NUDT5: variants seen among roughly 807,000 people sequenced by gnomAD.
NUDT5 encodes ADP-sugar pyrophosphatase.
NUDT5 carries 21 observed loss-of-function variants against 34.1 expected under a neutral mutation model. That is an observed-to-expected ratio of 0.62 (90% CI 0.44 to 0.89). The LOEUF (loss-of-function observed/expected upper bound fraction) is 0.89, where lower values mean the gene tolerates loss of function less well. Among genes scored for constraint, NUDT5 ranks in the 40% least tolerant of loss-of-function variants. The pLI is 0.00. For missense variants in NUDT5, 249 were observed against 274.8 expected (o/e 0.91, Z 0.66); for synonymous variants, 85 against 97.6 (o/e 0.87, Z 0.76).
At chr10:12,193,288 T>C (rs1341275391) in intron 1 of NUDT5, among the ~76,000 whole-genome samples, 1 of 152,154 alleles carries the variant, frequency 6.6e-6, no homozygotes, top group Non-Finnish European at 1.5e-5. Flanking sequence ...AGCTCAAATC[T>C]GTACACGCTT....
intron 3 of NUDT5, among the ~76,000 whole-genome samples, chr10:12,183,770 G>A (rs975365259): frequency 5.3e-5 from 8 of 151,944 alleles, no homozygotes; most frequent in African/African-American, 1.2e-4. Flanking sequence ...TTTTCCTTCC[G>A]GCTTTTTCTT....
At chr10:12,176,216 A>T (rs1834948249) in intron 5 of NUDT5, among the ~76,000 whole-genome samples, 1 of 152,000 alleles carries the variant, frequency 6.6e-6, no homozygotes, top group African/African-American at 2.4e-5. Flanking sequence ...AAAAAATAAA[A>T]AAAAAGGTAA....
chr10:12,171,687 T>TTTTTA lies in NUDT5; in HGVS notation c.488-780_488-779insTAAAA, dbSNP rs1255578245. Among the ~76,000 whole-genome samples, 1 of 139,984 alleles carries TTTTTA rather than the reference T, an allele frequency of 7.1e-6. No homozygotes were observed. Among genetic ancestry groups the TTTTTA allele is most frequent in the Non-Finnish European group, 1.6e-5 (1 of 64,442 alleles). 91.8% of individuals were successfully genotyped at this position (139,984 alleles called of 152,430 possible). A position where few individuals can be genotyped will look rare whatever the true frequency, so the allele number is the denominator to read the frequency against. ...TGTGCAGTTCAAAAATTAAGATTTA[T>TTTTTA]TTTATTTATTTATTTATTTATTTAT... On this transcript the variant is annotated intron_variant, in intron 7 of 9. Transcript: ENST00000491614. This position sits in a 1 kb window ranked among gnomAD's most constrained non-coding sequence, Gnocchi z 4.2.
rs1379365569 is a variant in NUDT5 at position 12,179,069 on chromosome 10, G to C, written c.181+14C>G. The C allele has an allele frequency of 6.2e-7, 1 of 1,610,912 alleles. No individual in the cohort carries two copies. The highest frequency in any genetic ancestry group is 1.1e-5 in the South Asian group (1 of 90,996). On this transcript the variant is annotated intron_variant, in intron 4 of 9. Coordinates refer to ENST00000491614, the MANE Select transcript of NUDT5 (RefSeq NM_014142.4). ...CTTCCTTTCTAAAGGGTTGGAATAG[G>C]TTTGCACTCCTACCATCCGCAGTCT...
At chr10:12,186,196 G>A (rs375875692) in intron 2 of NUDT5, 33 bp downstream of exon 2, 54 of 1,461,452 alleles carry the variant, frequency 3.7e-5, no homozygotes, top group Non-Finnish European at 4.5e-5. Flanking sequence ...ATTTATGTGG[G>A]GGAGGGAAGG....
In NUDT5 at chr10:12,181,680, G is replaced by A. The variant is rs1052038010; in HGVS notation, c.132-2548C>T. On this transcript the variant is annotated intron_variant, in intron 3 of 9. Coordinates refer to ENST00000491614, the MANE Select transcript of NUDT5 (RefSeq NM_014142.4). This position sits in a 1 kb window ranked among gnomAD's most constrained non-coding sequence, Gnocchi z 5.0. ...CCTGCAGAGGGAAGTCGCCGTGTGC[G>A]TGCAAAGGATATATCGGGCCGGGTG... Among the ~76,000 whole-genome samples the A allele has an allele frequency of 4.6e-5, 7 of 152,006 alleles. No individual in the cohort carries two copies. The highest frequency in any genetic ancestry group is 1.2e-4 in the African/African-American group (5 of 41,364).
At position 12,171,365 on chromosome 10, in the gene NUDT5, G is replaced by A. The variant is rs1274563721; in HGVS notation, c.488-457C>T. Among the ~76,000 whole-genome samples, 2 of 152,158 alleles carry A rather than the reference G, an allele frequency of 1.3e-5. No individual in the cohort carries two copies. The highest frequency in any genetic ancestry group is 3.8e-4 in the East Asian group (2 of 5,196). On this transcript the variant is annotated intron_variant, in intron 7 of 9. Coordinates refer to ENST00000491614, the MANE Select transcript of NUDT5 (RefSeq NM_014142.4). The surrounding 1 kb of genome is among the most constrained non-coding windows in gnomAD (Gnocchi z 4.2). ...CTCTACTGTCTTCCTCTATCAGTTT[G>A]TCTATTCTGGGCACCCAGATACGTA...
intron 1 of NUDT5, among the ~76,000 whole-genome samples, chr10:12,194,247 C>T (rs374674456): frequency 1.3e-5 from 2 of 152,262 alleles, no homozygotes; most frequent in South Asian, 2.1e-4. Context: ...GATCTATTCT[C>T]TTCCGTACAT....
At chr10:12,191,161 A>G (rs1447045513) in intron 1 of NUDT5, among the ~76,000 whole-genome samples, 3 of 152,044 alleles carry the variant, frequency 2.0e-5, no homozygotes, top group Non-Finnish European at 2.9e-5. Context: ...AGGCGGGTGG[A>G]TCACGAGGTC....
chr10:12,183,045 A>G (rs569424542), intron 3 of NUDT5, among the ~76,000 whole-genome samples: 6 of 151,890 alleles, frequency 4.0e-5, no homozygotes, highest in Non-Finnish European at 8.8e-5. Flanking sequence ...CCTCAAACAC[A>G]TGTTTAGACT....
At chr10:12,190,469 T>C (rs1005861150) in intron 1 of NUDT5, among the ~76,000 whole-genome samples, 4 of 152,154 alleles carry the variant, frequency 2.6e-5, no homozygotes, top group Non-Finnish European at 5.9e-5. Context: ...CTGACCACTA[T>C]GCTTGCCCTT....
At chr10:12,184,002 C>T (rs76825404) in intron 3 of NUDT5, among the ~76,000 whole-genome samples, 5,346 of 152,258 alleles carry the variant, frequency 0.035, 293 homozygotes, top group African/African-American at 0.12. Flanking sequence ...ATTTTCTATA[C>T]ATAAATTTAA....
At chr10:12,195,236 G>A (rs1361396586) in intron 1 of NUDT5, among the ~76,000 whole-genome samples, 1 of 152,116 alleles carries the variant, frequency 6.6e-6, no homozygotes, top group Non-Finnish European at 1.5e-5. Context: ...CTGGGTGACA[G>A]GAGTGAAGCA....
chr10:12,182,929 G>A lies in NUDT5; in HGVS notation c.131+1960C>T, dbSNP rs1835068164. ...TTTTTGTATTTTTAGTAGAGACGGG[G>A]TTTCACAATGTTGGCCAGGCTGGTC... On this transcript the variant is annotated intron_variant, in intron 3 of 9. Coordinates refer to ENST00000491614, the MANE Select transcript of NUDT5 (RefSeq NM_014142.4). The surrounding 1 kb of genome is among the most constrained non-coding windows in gnomAD (Gnocchi z 4.3). 6.6e-6 allele frequency among the ~76,000 whole-genome samples: 1 copy of A among 152,148 alleles called. No individual in the cohort carries two copies.
intron 7 of NUDT5, among the ~76,000 whole-genome samples, chr10:12,172,322 A>C (rs529043456): frequency 4.6e-5 from 7 of 151,934 alleles, no homozygotes; most frequent in Non-Finnish European, 1.0e-4. Context: ...ATTCTGTCAC[A>C]GAGTGGCACC....
At chr10:12,172,375 C>T (rs1834873087) in intron 7 of NUDT5, 1 of 206,490 alleles carries the variant, frequency 4.8e-6, no homozygotes, top group Non-Finnish European at 9.9e-6. Flanking sequence ...ATCCTCCTGC[C>T]TCACCTTCCA....
At position 12,170,241 on chromosome 10, in the gene NUDT5, T is replaced by C. The variant is rs1413434578; in HGVS notation, c.550+476A>G. ...GCCACACAGCTGGTTTGGTTTATTATGTGAAAAGCATATCACACGGAGTAT... is the reference window on the plus strand; with the variant it reads ...GCCACACAGCTGGTTTGGTTTATTACGTGAAAAGCATATCACACGGAGTAT... On this transcript the variant is annotated intron_variant, in intron 9 of 9. Transcript: ENST00000491614. The surrounding 1 kb of genome is among the most constrained non-coding windows in gnomAD (Gnocchi z 4.9). The C allele has an allele frequency of 3.0e-5, 47 of 1,565,842 alleles. No homozygotes were observed. Among genetic ancestry groups the C allele is most frequent in the African/African-American group, 4.1e-5 (3 of 74,030 alleles).
At chr10:12,189,728 T>C (rs974971834) in intron 1 of NUDT5, among the ~76,000 whole-genome samples, 2 of 152,256 alleles carry the variant, frequency 1.3e-5, no homozygotes, top group African/African-American at 4.8e-5. Flanking sequence ...TCTCCGCCAC[T>C]GCAACGGAGT....
chr10:12,180,698 C>T (rs1337575712), intron 3 of NUDT5, among the ~76,000 whole-genome samples: 1 of 152,240 alleles, frequency 6.6e-6, no homozygotes, highest in Non-Finnish European at 1.5e-5. Context: ...TCTCTACTTG[C>T]CCGCCAGCTA....
Sources: gnomAD v4.1 joint callset for allele counts (sites outside exome capture counted in the v4.1 genomes callset) on GRCh38, gnomAD v4.1.1 for gene constraint, Gnocchi (gnomAD v3.1) non-coding constraint, MANE v1.5 for transcripts, NCBI Gene and HGNC (gene_info 2026-07-23, HGNC 2026-07-21) for gene names.